SERTAD4: variants seen among roughly 807,000 people sequenced by gnomAD.
SERTAD4 encodes the protein SERTA domain-containing protein 4.
In SERTAD4, 18 loss-of-function variants were observed where a neutral mutation model predicts 32.9. The observed-to-expected ratio is 0.55, with a 90% CI of 0.38 to 0.81. The LOEUF (loss-of-function observed/expected upper bound fraction) is 0.81, where lower values mean the gene tolerates loss of function less well. Among genes scored for constraint, SERTAD4 ranks in the 30% least tolerant of loss-of-function variants. The pLI is 0.00. For synonymous variants in SERTAD4, 150 were observed against 156.4 expected, an observed-to-expected ratio of 0.96 and a Z score of 0.30; for missense variants, 383 against 426.0, an observed-to-expected ratio of 0.90 and a Z score of 0.89.
At position 210,245,747 on chromosome 1, in the gene SERTAD4, A is replaced by G; in HGVS notation, c.*3410A>G. 9 of 944,382 alleles carry G rather than the reference A, an allele frequency of 9.5e-6. No individual in the cohort carries two copies. Among genetic ancestry groups the G allele is most frequent in the Non-Finnish European group, 1.1e-5 (9 of 792,572 alleles). 58.5% of individuals were successfully genotyped at this position (944,382 alleles called of 1,614,324 possible). A position where few individuals can be genotyped will look rare whatever the true frequency, so the allele number is the denominator to read the frequency against. ...TCAAGACATGGCTACCCACCCCTCC[A>G]GTTATGAACTTGTATTACAGCTCCA... On this transcript the variant is annotated 3_prime_UTR_variant, in exon 4 of 4. Transcript: ENST00000367012.
intron 1 of SERTAD4, among the ~76,000 whole-genome samples, chr1:210,235,330 T>G (rs2083930595): frequency 6.6e-6 from 1 of 152,172 alleles, no homozygotes; most frequent in African/African-American, 2.4e-5. Flanking sequence ...CCTGTCCAAT[T>G]TTTCGTGAAC....
At position 210,232,818 on chromosome 1, in the gene SERTAD4, ACGGCGGCGCAGCGCCCCAGTCG is replaced by A. The variant is rs1278414198; in HGVS notation, c.-202_-181del. The A allele has an allele frequency of 6.6e-6, 1 of 150,498 alleles. No homozygotes were observed. The highest frequency in any genetic ancestry group is 2.4e-5 in the African/African-American group (1 of 40,982). 9.3% of individuals were successfully genotyped at this position (150,498 alleles called of 1,614,324 possible). A position where few individuals can be genotyped will look rare whatever the true frequency, so the allele number is the denominator to read the frequency against. On this transcript the variant is annotated 5_prime_UTR_variant, in exon 1 of 4. Coordinates refer to ENST00000367012, the MANE Select transcript of SERTAD4 (RefSeq NM_019605.5). ...CTCATTACCATAACCGTCTGCAGCG[ACGGCGGCGCAGCGCCCCAGTCG>A]CGGCGGCGGGACCTGCCGGGACCCT...
intron 2 of SERTAD4, among the ~76,000 whole-genome samples, chr1:210,239,078 T>G (rs2083970817): frequency 6.6e-6 from 1 of 152,062 alleles, no homozygotes; most frequent in Non-Finnish European, 1.5e-5. Flanking sequence ...GATTTCAAAG[T>G]TGTTTGGTTA....
At position 210,239,615 on chromosome 1, in the gene SERTAD4, T is replaced by A. The variant is rs1373984250; in HGVS notation, c.291+7T>A. On this transcript the variant is annotated splice_region_variant and intron_variant, in intron 3 of 3. Transcript: ENST00000367012. ...CAGCAGCTGTAGCCATAAAGTATGTTTTTTTAATAGTCATTATTTTTATTA... is the reference window on the plus strand; with the variant it reads ...CAGCAGCTGTAGCCATAAAGTATGTATTTTTAATAGTCATTATTTTTATTA... 1 of 1,460,464 alleles carries A rather than the reference T, an allele frequency of 6.8e-7. No individual in the cohort carries two copies. Among genetic ancestry groups the A allele is most frequent in the Non-Finnish European group, 9.5e-7 (1 of 1,049,002 alleles). 90.5% of individuals were successfully genotyped at this position (1,460,464 alleles called of 1,614,324 possible). A position where few individuals can be genotyped will look rare whatever the true frequency, so the allele number is the denominator to read the frequency against.
At chr1:210,235,636 A>G (rs1418183142) in intron 1 of SERTAD4, among the ~76,000 whole-genome samples, 1 of 147,846 alleles carries the variant, frequency 6.8e-6, no homozygotes. Context: ...GATATGCTGG[A>G]AATAATGCTA....
intron 2 of SERTAD4, among the ~76,000 whole-genome samples, chr1:210,238,633 C>T (rs1392230264): frequency 6.6e-6 from 1 of 152,152 alleles, no homozygotes; most frequent in Non-Finnish European, 1.5e-5. Context: ...TTATTTATAT[C>T]CTACTGCTCA....
Position 210,237,925 on chromosome 1 carries a change from T to TC in SERTAD4, c.-17-19_-17-18insC. On this transcript the variant is annotated intron_variant, in intron 1 of 3. Coordinates refer to ENST00000367012, the MANE Select transcript of SERTAD4 (RefSeq NM_019605.5). ...AGGGCTGTTTTCTTCATTCTTGTTT[T>TC]TTTTTTTTTTCTTTTCAGATCTGAG... 6.3e-7 allele frequency: 1 copy of TC among 1,578,872 alleles called. No homozygotes were observed. The highest frequency in any genetic ancestry group is 1.2e-5 in the South Asian group (1 of 85,914).
Position 210,241,739 on chromosome 1 carries a change from G to C in SERTAD4, c.473G>C (p.Gly158Ala), listed in dbSNP as rs370852829. 26 of 1,613,986 alleles carry C rather than the reference G, an allele frequency of 1.6e-5. No homozygotes were observed. The African/African-American group carries it at 3.3e-4, about 21-fold the overall frequency. The change falls in exon 4 of 4, where the codon GGC becomes GCC. Residue 158 changes from glycine to alanine, a missense_variant. Physicochemically the swap from Gly to Ala is moderately conservative, Grantham distance 60. This residue lies in a region of SERTAD4 where 107 missense variants were observed against 158.8 expected (regional missense o/e 0.67). Coordinates refer to ENST00000367012, the MANE Select transcript of SERTAD4 (RefSeq NM_019605.5). ...NWCFPACSFN[G>A]TSAQEWFMAQ... is the part of the protein sequence containing the mutation. Reference sequence around the variant, plus strand: ...TGCTTCCCTGCCTGCTCTTTCAATGGCACCTCTGCCCAAGAGTGGTTTATG... The same window carrying C: ...TGCTTCCCTGCCTGCTCTTTCAATGCCACCTCTGCCCAAGAGTGGTTTATG...
Position 210,243,181 on chromosome 1 carries a change from C to A in SERTAD4, c.*844C>A. ...GAACTATTGTGTTCAGCTTTTGATTCGACATCTCTATTCTTTATTTTTGAT... is the reference window on the plus strand; with the variant it reads ...GAACTATTGTGTTCAGCTTTTGATTAGACATCTCTATTCTTTATTTTTGAT... On this transcript the variant is annotated 3_prime_UTR_variant, in exon 4 of 4. Coordinates refer to ENST00000367012, the MANE Select transcript of SERTAD4 (RefSeq NM_019605.5). 1 of 945,206 alleles carries A rather than the reference C, an allele frequency of 1.1e-6. No individual in the cohort carries two copies. Among genetic ancestry groups the A allele is most frequent in the Non-Finnish European group, 1.3e-6 (1 of 797,306 alleles). The allele number at this position is 945,206 out of a possible 1,614,324, so 58.6% of individuals were successfully genotyped here. A position where few individuals can be genotyped will look rare whatever the true frequency, so the allele number is the denominator to read the frequency against.
At chr1:210,234,183 G>A (rs925272798) in intron 1 of SERTAD4, 5 of 235,364 alleles carry the variant, frequency 2.1e-5, no homozygotes, top group Non-Finnish European at 4.1e-5. Flanking sequence ...GAGGGCTGCG[G>A]CACCGACACC....
At chr1:210,234,624 C>T (rs2083923663) in intron 1 of SERTAD4, among the ~76,000 whole-genome samples, 1 of 152,126 alleles carries the variant, frequency 6.6e-6, no homozygotes, top group African/African-American at 2.4e-5. Flanking sequence ...CTGGCAGCAT[C>T]GATCGGGGGT....
chr1:210,236,122 T>C (rs1280344230), intron 1 of SERTAD4, among the ~76,000 whole-genome samples: 1 of 152,224 alleles, frequency 6.6e-6, no homozygotes, highest in Non-Finnish European at 1.5e-5. Flanking sequence ...GTTTGAGAAA[T>C]GATAGACAGA....
rs559220618 is a variant in SERTAD4 at position 210,242,917 on chromosome 1, C to T, written c.*580C>T. 12 of 985,814 alleles carry T rather than the reference C, an allele frequency of 1.2e-5. No homozygotes were observed. In the East Asian group the frequency reaches 1.4e-3, roughly 112 times the overall value. The allele number at this position is 985,814 out of a possible 1,614,324, so 61.1% of individuals were successfully genotyped here. On this transcript the variant is annotated 3_prime_UTR_variant, in exon 4 of 4. Transcript: ENST00000367012. This position sits in a 1 kb window ranked among gnomAD's most constrained non-coding sequence, Gnocchi z 4.0. Reference sequence around the variant, plus strand: ...ACACCTGTCTAGGGGCGGCAATCAACAGTCTTACACAGAGAGGGTATTCCC... The same window carrying T: ...ACACCTGTCTAGGGGCGGCAATCAATAGTCTTACACAGAGAGGGTATTCCC...
chr1:210,235,780 G>T (rs950531439), intron 1 of SERTAD4, among the ~76,000 whole-genome samples: 7 of 152,188 alleles, frequency 4.6e-5, no homozygotes, highest in African/African-American at 1.7e-4. Context: ...AGTAATTGCT[G>T]CCAGGAGCCT....
At chr1:210,235,802 T>C (rs1249857444) in intron 1 of SERTAD4, among the ~76,000 whole-genome samples, 5 of 152,260 alleles carry the variant, frequency 3.3e-5, no homozygotes, top group African/African-American at 1.2e-4. Flanking sequence ...CAAATGTTTT[T>C]CTTTCTTAAG....
At position 210,241,558 on chromosome 1, in the gene SERTAD4, A is replaced by G; in HGVS notation, c.292A>G (p.Thr98Ala). The G allele has an allele frequency of 1.4e-6, 2 of 1,471,584 alleles. No individual in the cohort carries two copies. The highest frequency in any genetic ancestry group is 1.5e-5 in the South Asian group (1 of 65,592). 91.2% of individuals were successfully genotyped at this position (1,471,584 alleles called of 1,614,324 possible). The change falls in exon 4 of 4, where the codon ACC (threonine) becomes GCC (alanine). Residue 98 changes from threonine to alanine, a missense_variant and splice_region_variant. Thr to Ala is a moderately conservative substitution (Grantham distance 58). Coordinates refer to ENST00000367012, the MANE Select transcript of SERTAD4 (RefSeq NM_019605.5). The stretch of plus-strand genomic sequence containing the variant: ...TCTTTTTTTTTTTTTTGGTTTGTAG[A>G]CCATCTCAATTTTTGAGGAACGAGC... ...HPPLSSCSHK[T>A]ISIFEERAHI...
intron 1 of SERTAD4, chr1:210,234,035 C>G (rs896546963): frequency 2.8e-5 from 9 of 324,282 alleles, no homozygotes; most frequent in Non-Finnish European, 4.2e-5. Context: ...AATAATAGCT[C>G]TTATTCTTCA....
At chr1:210,236,188 A>C (rs906633840) in intron 1 of SERTAD4, among the ~76,000 whole-genome samples, 3 of 152,258 alleles carry the variant, frequency 2.0e-5, no homozygotes, top group Non-Finnish European at 4.4e-5. Context: ...TGACTCAAAG[A>C]GAAAAATAAA....
intron 3 of SERTAD4, among the ~76,000 whole-genome samples, chr1:210,241,257 A>C (rs1158818849): frequency 6.6e-6 from 1 of 152,092 alleles, no homozygotes; most frequent in East Asian, 1.9e-4. Flanking sequence ...GCCATAATAG[A>C]TCAAACCACC....
Sources: gnomAD v4.1 joint callset for allele counts (sites outside exome capture counted in the v4.1 genomes callset) on GRCh38, gnomAD v4.1.1 for gene constraint, gnomAD v4.1.1 regional missense constraint, Gnocchi (gnomAD v3.1) non-coding constraint, MANE v1.5 for transcripts, NCBI Gene and HGNC (gene_info 2026-07-23, HGNC 2026-07-21) for gene names.